The following DIS3 variants were observed in gnomAD, a reference collection of about 807,000 sequenced individuals.
DIS3 encodes the protein exosome complex exonuclease RRP44.
In DIS3, 103 loss-of-function variants were observed where a neutral mutation model predicts 113.0. The observed-to-expected ratio is 0.91, with a 90% CI of 0.78 to 1.07. The LOEUF is 1.07. DIS3 is among the 50% of genes least tolerant of loss of function. The probability of loss-of-function intolerance (pLI) is 0.00; values close to 1 mark genes in which losing one functional copy is unlikely to be tolerated. For synonymous variants in DIS3, 402 were observed against 394.3 expected, an observed-to-expected ratio of 1.02 and a Z score of -0.23; for missense variants, 1,121 against 1,167.1, an observed-to-expected ratio of 0.96 and a Z score of 0.58.
rs373230191 is a variant in DIS3 at position 72,775,945 on chromosome 13, C to A, written c.802G>T (p.Asp268Tyr). 1.2e-6 allele frequency: 2 copies of A among 1,604,126 alleles called. No homozygotes were observed. The highest frequency in any genetic ancestry group is 1.1e-5 in the South Asian group (1 of 87,596). ...CTTGCCTCTTTATTTTCTTCATTGTCGCCATGAATCCATACTGTAGCTTCC... is the reference window on the plus strand; with the variant it reads ...CTTGCCTCTTTATTTTCTTCATTGTAGCCATGAATCCATACTGTAGCTTCC... Reference protein sequence around the residue: ...YLEATVWIHGDNEENKEIILQ... With the variant: ...YLEATVWIHGYNEENKEIILQ... Residue 268 changes from aspartate to tyrosine, a missense_variant, in exon 5 of 21, where the codon GAC (aspartate) becomes TAC (tyrosine). This residue lies in a region of DIS3 where 861 missense variants were observed against 915.5 expected (regional missense o/e 0.94). Coordinates refer to ENST00000377767, the MANE Select transcript of DIS3 (RefSeq NM_014953.5).
At chr13:72,765,760 T>C (rs1004351098) in intron 15 of DIS3, among the ~76,000 whole-genome samples, 1 of 152,326 alleles carries the variant, frequency 6.6e-6, no homozygotes, top group Admixed American at 6.5e-5. Context: ...AAATTCAAAT[T>C]GAAAGTTTTT....
rs2034229647 is a variant in DIS3 at position 72,781,608 on chromosome 13, G to C, written c.225C>G (p.His75Gln). 2.0e-6 allele frequency: 3 copies of C among 1,516,716 alleles called. No homozygotes were observed. Among genetic ancestry groups the C allele is most frequent in the East Asian group, 2.5e-5 (1 of 40,376 alleles). 94.0% of individuals were successfully genotyped at this position (1,516,716 alleles called of 1,614,324 possible). Residue 75 changes from histidine (H) to glutamine (Q), a missense_variant, in exon 1 of 21, where the codon CAC becomes CAG. By Grantham distance (24) the His-to-Gln change is conservative. Transcript: ENST00000377767. ...CGCGGTTCGCCCGCCCACGCACCTG[G>C]TGCAGTAACACATTAGTGTCGGGCA... ...YLLPDTNVLL[H>Q]QIDVLEDPAI...
In DIS3 at chr13:72,755,042, G is replaced by C. The variant is rs2033412066; in HGVS notation, c.*4753C>G. ...ATACTGTATCTTTACTGTCCCTTCA[G>C]AGTTCAGCTAAAGAAACGTGCTTTT... On this transcript the variant is annotated 3_prime_UTR_variant, in exon 21 of 21. Transcript: ENST00000377767. 2 of 819,070 alleles carry C rather than the reference G, an allele frequency of 2.4e-6. No individual in the cohort carries two copies. Among genetic ancestry groups the C allele is most frequent in the Non-Finnish European group, 4.1e-6 (2 of 486,910 alleles). 50.7% of individuals were successfully genotyped at this position (819,070 alleles called of 1,614,324 possible).
chr13:72,758,874 A>G lies in DIS3; in HGVS notation c.*921T>C, dbSNP rs1230804763. The stretch of plus-strand genomic sequence containing the variant: ...AAATGTTTTAAGGCAACCCTATCCC[A>G]AAATATTCCTGAAGATATTAATTTA... On this transcript the variant is annotated 3_prime_UTR_variant, in exon 21 of 21. Coordinates refer to ENST00000377767, the MANE Select transcript of DIS3 (RefSeq NM_014953.5). 5.4e-6 allele frequency: 1 copy of G among 184,736 alleles called. No individual in the cohort carries two copies. The highest frequency in any genetic ancestry group is 2.3e-5 in the African/African-American group (1 of 42,626). 11.4% of individuals were successfully genotyped at this position (184,736 alleles called of 1,614,324 possible).
intron 6 of DIS3, 123 bp from the exon 7 acceptor site, chr13:72,774,182 C>G: frequency 3.4e-6 from 2 of 585,362 alleles, no homozygotes; most frequent in Non-Finnish European, 5.8e-6. Context: ...TGACATAAGA[C>G]TACAGAATGT....
rs1393331282 is a variant in DIS3, at chr13:72,759,878, T to C, written c.2794A>G (p.Ile932Val). 1.9e-6 allele frequency: 3 copies of C among 1,609,866 alleles called. No individual in the cohort carries two copies. The highest frequency in any genetic ancestry group is 1.3e-5 in the African/African-American group (1 of 74,818). Reference protein sequence around the residue: ...KIRMSLVEPQIPGISIPTDTS... With the variant: ...KIRMSLVEPQVPGISIPTDTS... Reference sequence around the variant, plus strand: ...TCAGTAGGAATGCTTATTCCTGGTATCTAAAGTAATGCAAATGGGGGGAAA... The same window carrying C: ...TCAGTAGGAATGCTTATTCCTGGTACCTAAAGTAATGCAAATGGGGGGAAA... Residue 932 changes from isoleucine to valine, a missense_variant and splice_region_variant, in exon 21 of 21, where the codon ATA becomes GTA. Transcript: ENST00000377767.
chr13:72,771,965 T>C, intron 10 of DIS3, 69 bp from the exon 11 acceptor site: 20 of 1,514,424 alleles, frequency 1.3e-5, no homozygotes, highest in Admixed American at 1.9e-5. Context: ...GGAGTTTTAA[T>C]AAGATAAAGT....
intron 19 of DIS3, among the ~76,000 whole-genome samples, chr13:72,761,038 C>T (rs1191329250): frequency 6.6e-6 from 1 of 151,772 alleles, no homozygotes; most frequent in Non-Finnish European, 1.5e-5. Flanking sequence ...ATAAGAAACA[C>T]TAGAAGTAAG....
intron 15 of DIS3, among the ~76,000 whole-genome samples, chr13:72,764,023 A>G (rs1211632224): frequency 6.6e-6 from 1 of 151,832 alleles, no homozygotes; most frequent in Non-Finnish European, 1.5e-5. Flanking sequence ...CTGGTGGCAC[A>G]CTCCTGTAGT....
chr13:72,764,610 C>A (rs1391246690), intron 15 of DIS3, among the ~76,000 whole-genome samples: 1 of 152,166 alleles, frequency 6.6e-6, no homozygotes, highest in Non-Finnish European at 1.5e-5. Context: ...TATAGTTATT[C>A]ACATACATTT....
intron 13 of DIS3, among the ~76,000 whole-genome samples, chr13:72,770,283 A>G (rs923202347): frequency 4.0e-5 from 6 of 148,500 alleles, no homozygotes; most frequent in East Asian, 4.4e-4. Context: ...TTATAATTGG[A>G]AAAAAAAAAC....
At chr13:72,761,222 A>C in intron 19 of DIS3, 141 bp downstream of exon 19, 1 of 1,100,136 alleles carries the variant, frequency 9.1e-7, no homozygotes, top group Non-Finnish European at 1.2e-6. Context: ...AATTAAATGT[A>C]GATTTTCTGG....
In DIS3 at chr13:72,773,789, C is replaced by T; in HGVS notation, c.1134G>A (p.Lys378=). The change falls in exon 8 of 21, where the codon AAG becomes AAA. Residue 378 remains lysine (K), a synonymous_variant. Coordinates refer to ENST00000377767, the MANE Select transcript of DIS3 (RefSeq NM_014953.5). ...SRRHLFTPAD[K]RIPRIRIETR... ...TTTCTATGCGAATTCGAGGGATTCT[C>T]TTATCAGCAGGTGTAAAGAGATGTC... 6.2e-7 allele frequency: 1 copy of T among 1,613,898 alleles called. No individual in the cohort carries two copies.
chr13:72,780,711 A>C, intron 2 of DIS3, 135 bp downstream of exon 2: 2 of 877,348 alleles, frequency 2.3e-6, no homozygotes, highest in Non-Finnish European at 3.4e-6. Context: ...TCTTCTGCAC[A>C]GCCATGTAAG....
chr13:72,763,422 AGAT>A (rs1163618762), intron 16 of DIS3, 26 bp downstream of exon 16: 1 of 1,573,684 alleles, frequency 6.4e-7, no homozygotes, highest in African/African-American at 1.4e-5. Context: ...AAACACAAAT[AGAT>A]GATTTTTCAA....
At chr13:72,775,522 G>A (rs901755067) in intron 5 of DIS3, 147 bp from the exon 6 acceptor site, 3 of 1,018,388 alleles carry the variant, frequency 2.9e-6, no homozygotes, top group Non-Finnish European at 4.0e-6. Flanking sequence ...TCTCTATTGT[G>A]TCCCTAATTC....
Position 72,759,252 on chromosome 13 carries a change from T to C in DIS3, c.*543A>G, listed in dbSNP as rs2033567266. ...CCAATTCCCAAACATTCACAGTTTT[T>C]CAAGGACCACTAATAAAATACAGGA... On this transcript the variant is annotated 3_prime_UTR_variant, in exon 21 of 21. Coordinates refer to ENST00000377767, the MANE Select transcript of DIS3 (RefSeq NM_014953.5). 1 of 201,420 alleles carries C rather than the reference T, an allele frequency of 5.0e-6. No homozygotes were observed. Among genetic ancestry groups the C allele is most frequent in the East Asian group, 7.7e-5 (1 of 13,060 alleles). 12.5% of individuals were successfully genotyped at this position (201,420 alleles called of 1,614,324 possible). A position where few individuals can be genotyped will look rare whatever the true frequency, so the allele number is the denominator to read the frequency against.
Position 72,753,733 on chromosome 13 carries a change from T to C in DIS3, c.*6062A>G. On this transcript the variant is annotated 3_prime_UTR_variant, in exon 21 of 21. Transcript: ENST00000377767. ...ACGCAGAATTGTGGAAGCAATATTA[T>C]GGATACAGTTGGGGCAGAAAGTTAC... 1.2e-6 allele frequency: 2 copies of C among 1,613,686 alleles called. No individual in the cohort carries two copies. Among genetic ancestry groups the C allele is most frequent in the Non-Finnish European group, 1.7e-6 (2 of 1,179,738 alleles).
intron 1 of DIS3, 181 bp from the exon 2 acceptor site, chr13:72,781,184 T>A (rs2034197548): frequency 2.1e-6 from 3 of 1,449,268 alleles, no homozygotes; most frequent in Middle Eastern, 4.4e-4. Context: ...TCAGATCTAT[T>A]AAAAAAAGCA....
Sources: gnomAD v4.1 joint callset for allele counts (sites outside exome capture counted in the v4.1 genomes callset) on GRCh38, gnomAD v4.1.1 for gene constraint, gnomAD v4.1.1 regional missense constraint, MANE v1.5 for transcripts, NCBI Gene and HGNC (gene_info 2026-07-23, HGNC 2026-07-21) for gene names.